The following SLC22A4 variants were observed in gnomAD, a reference collection of about 807,000 sequenced individuals.
SLC22A4 encodes the protein ET transporter.
A neutral mutation model predicts 56.6 loss-of-function variants in SLC22A4; 39 were observed. The observed-to-expected ratio is 0.69, with a 90% CI of 0.53 to 0.90. The LOEUF is 0.90. Among genes scored for constraint, SLC22A4 ranks in the 40% least tolerant of loss-of-function variants. SLC22A4 has a pLI of 0.00. For missense variants in SLC22A4, 594 were observed against 696.5 expected, an observed-to-expected ratio of 0.85 and a Z score of 1.66; for synonymous variants, 241 against 281.4, an observed-to-expected ratio of 0.86 and a Z score of 1.44.
chr5:132,322,287 C>G lies in SLC22A4; in HGVS notation c.756C>G (p.Phe252Leu). The G allele has an allele frequency of 6.2e-7, 1 of 1,614,100 alleles. No homozygotes were observed. Among genetic ancestry groups the G allele is most frequent in the Non-Finnish European group, 8.5e-7 (1 of 1,179,994 alleles). ...TGCTGCTGCCACTGTTTGCTTACTT[C>G]ATCAGAGACTGGCGGATGCTGCTGC... The part of the protein sequence containing the change: ...GYMLLPLFAY[F>L]IRDWRMLLLA... Residue 252 changes from phenylalanine (F) to leucine (L), a missense_variant, in exon 4 of 10, where the codon TTC (phenylalanine) becomes TTG (leucine). Phe to Leu is a conservative substitution (Grantham distance 22). Coordinates refer to ENST00000200652, the MANE Select transcript of SLC22A4 (RefSeq NM_003059.3).
At position 132,326,498 on chromosome 5, in the gene SLC22A4, A is replaced by T. The variant is rs183730480; in HGVS notation, c.825-779A>T. Among the ~76,000 whole-genome samples the T allele has an allele frequency of 8.3e-4, 127 of 152,348 alleles. 2 individuals are homozygous for T. The East Asian group carries it at 0.019, about 23-fold the overall frequency. ...GTCGAACCATCATAAGTTAGGGACCATCTGTACTGACAATAGGTAAGGAAA... is the reference window on the plus strand; with the variant it reads ...GTCGAACCATCATAAGTTAGGGACCTTCTGTACTGACAATAGGTAAGGAAA... On this transcript the variant is annotated intron_variant, in intron 4 of 9. Coordinates refer to ENST00000200652, the MANE Select transcript of SLC22A4 (RefSeq NM_003059.3).
intron 1 of SLC22A4, chr5:132,311,183 T>C (rs771711514): frequency 6.6e-5 from 10 of 152,336 alleles, no homozygotes; most frequent in South Asian, 2.1e-4. Context: ...CCATCCAAGA[T>C]GGAGCTAGGG....
At chr5:132,297,646 G>T (rs1189522575) in intron 1 of SLC22A4, among the ~76,000 whole-genome samples, 1 of 151,506 alleles carries the variant, frequency 6.6e-6, no homozygotes, top group Admixed American at 6.6e-5. Context: ...GTACCACTTT[G>T]TACCCTTAAA....
chr5:132,322,493 A>G, intron 4 of SLC22A4, 138 bp downstream of exon 4: 3 of 811,510 alleles, frequency 3.7e-6, no homozygotes, highest in Non-Finnish European at 6.2e-6. Flanking sequence ...AAGCCGGGAG[A>G]GTTTTTGCCT....
chr5:132,304,041 G>A (rs569011294), intron 1 of SLC22A4, among the ~76,000 whole-genome samples: 7 of 152,184 alleles, frequency 4.6e-5, no homozygotes, highest in African/African-American at 1.7e-4. Context: ...AACTCCATTA[G>A]AGCAACAAAT....
At chr5:132,306,133 A>G (rs1164671190) in intron 1 of SLC22A4, among the ~76,000 whole-genome samples, 1 of 151,950 alleles carries the variant, frequency 6.6e-6, no homozygotes, top group Non-Finnish European at 1.5e-5. Flanking sequence ...TGCTGTTGGG[A>G]TTGTAAAATG....
At chr5:132,297,066 C>T (rs1749795620) in intron 1 of SLC22A4, among the ~76,000 whole-genome samples, 1 of 152,160 alleles carries the variant, frequency 6.6e-6, no homozygotes, top group African/African-American at 2.4e-5. Context: ...GCCTGTAATC[C>T]CAGTACTTTG....
At chr5:132,340,810 T>C in intron 9 of SLC22A4, 110 bp downstream of exon 9, 3 of 1,090,904 alleles carry the variant, frequency 2.8e-6, no homozygotes, top group Non-Finnish European at 4.2e-6. Context: ...AGACTAGCTC[T>C]ATCAGATAAT....
At chr5:132,313,500 A>C in intron 2 of SLC22A4, 114 bp from the exon 3 acceptor site, 1 of 929,428 alleles carries the variant, frequency 1.1e-6, no homozygotes, top group East Asian at 2.4e-5. Flanking sequence ...CAGAGAAAAA[A>C]GTCTGCCAGA....
intron 3 of SLC22A4, among the ~76,000 whole-genome samples, chr5:132,318,011 CTGCAGCCAA>C (rs1291456255): frequency 6.6e-6 from 1 of 152,254 alleles, no homozygotes; most frequent in Non-Finnish European, 1.5e-5. Context: ...GGTTGTGCCT[CTGCAGCCAA>C]TGCAGCTGTC....
intron 7 of SLC22A4, 46 bp from the exon 8 acceptor site, chr5:132,335,772 T>C: frequency 6.8e-7 from 1 of 1,465,044 alleles, no homozygotes. Flanking sequence ...TATAAGAAAG[T>C]ATCACTTCTA....
At chr5:132,306,602 T>A (rs1233658026) in intron 1 of SLC22A4, among the ~76,000 whole-genome samples, 5 of 150,590 alleles carry the variant, frequency 3.3e-5, no homozygotes, top group African/African-American at 1.2e-4. Context: ...CGTGCCACCG[T>A]GCCCAGCTAA....
In SLC22A4 at chr5:132,343,930, A is replaced by G; in HGVS notation, c.*95A>G. ...CCACTGAAATGGACTGACTGTAACG[A>G]TTGACACCAAAATGAACCTTGCTAT... On this transcript the variant is annotated 3_prime_UTR_variant, in exon 10 of 10. Transcript: ENST00000200652. 1 of 747,936 alleles carries G rather than the reference A, an allele frequency of 1.3e-6. No individual in the cohort carries two copies. The highest frequency in any genetic ancestry group is 1.6e-5 in the South Asian group (1 of 61,256). 46.3% of individuals were successfully genotyped at this position (747,936 alleles called of 1,614,324 possible).
At chr5:132,331,392 G>A (rs1452998355) in intron 5 of SLC22A4, among the ~76,000 whole-genome samples, 1 of 152,002 alleles carries the variant, frequency 6.6e-6, no homozygotes, top group Non-Finnish European at 1.5e-5. Flanking sequence ...TCAAGGAAGG[G>A]ACTACATGGC....
chr5:132,295,221 T>C (rs1749754237), intron 1 of SLC22A4: 2 of 722,052 alleles, frequency 2.8e-6, no homozygotes, highest in Admixed American at 2.0e-5. Flanking sequence ...AAGGAGGTGA[T>C]GGAGAAAGGA....
chr5:132,324,733 A>G, intron 4 of SLC22A4: 1 of 377,952 alleles, frequency 2.6e-6, no homozygotes, highest in Non-Finnish European at 5.4e-6. Flanking sequence ...CCTGCTCAGT[A>G]TGAGACAAGC....
At chr5:132,337,904 T>G (rs1751076449) in intron 8 of SLC22A4, among the ~76,000 whole-genome samples, 2 of 148,688 alleles carry the variant, frequency 1.3e-5, no homozygotes, top group Non-Finnish European at 3.0e-5. Context: ...TCCGGCTAAT[T>G]TTTTTTTTTT....
At position 132,340,638 on chromosome 5, in the gene SLC22A4, T is replaced by A. The variant is rs1486682576; in HGVS notation, c.1518T>A (p.Phe506Leu). 2 of 1,613,916 alleles carry A rather than the reference T, an allele frequency of 1.2e-6. No homozygotes were observed. The highest frequency in any genetic ancestry group is 8.5e-7 in the Non-Finnish European group (1 of 1,179,916). ...TCCTGATTGGAATCCTCACCCTTTT[T>A]TTCCCTGAAAGTTTGGGAATGACTC... The part of the protein sequence containing the change: ...LTVLIGILTL[F>L]FPESLGMTLP... The change falls in exon 9 of 10, where the codon TTT (phenylalanine) becomes TTA (leucine). Residue 506 changes from phenylalanine (F) to leucine (L), a missense_variant. Phe to Leu is a conservative substitution (Grantham distance 22). Transcript: ENST00000200652.
At chr5:132,317,668 T>C (rs756195626) in intron 3 of SLC22A4, among the ~76,000 whole-genome samples, 1 of 152,236 alleles carries the variant, frequency 6.6e-6, no homozygotes, top group Non-Finnish European at 1.5e-5. Context: ...AGGTAGGACC[T>C]CTGCTGGGTC....
Sources: allele counts gnomAD v4.1 joint callset (sites outside exome capture counted in the v4.1 genomes callset), GRCh38; gene constraint gnomAD v4.1.1; transcripts MANE v1.5; gene names NCBI Gene and HGNC (gene_info 2026-07-23, HGNC 2026-07-21).